Variants in DYM observed in about 807,000 individuals in gnomAD.
DYM encodes the protein dyggve-Melchior-Clausen syndrome protein.
In DYM, 78 loss-of-function variants were observed where a neutral mutation model predicts 93.1. That is an observed-to-expected ratio of 0.84 (90% confidence interval 0.70 to 1.01). The LOEUF (loss-of-function observed/expected upper bound fraction) is 1.01, where lower values mean the gene tolerates loss of function less well. Ranked by LOEUF, DYM falls within the 50% of genes least tolerant of loss-of-function variation. The pLI, the probability that DYM is intolerant of heterozygous loss-of-function variation, is 0.00. For missense variants in DYM, 789 were observed against 845.0 expected, an observed-to-expected ratio of 0.93 and a Z score of 0.82; for synonymous variants, 321 against 319.7, an observed-to-expected ratio of 1.00 and a Z score of -0.04.
At chr18:49,159,105 T>C in intron 15 of DYM, among the ~76,000 whole-genome samples, 1 of 152,216 alleles carries the variant, frequency 6.6e-6, no homozygotes, top group Non-Finnish European at 1.5e-5. Flanking sequence ...ATTATTTATG[T>C]ACGTGTGTGT....
chr18:49,191,984 T>G (rs572706754), intron 14 of DYM, among the ~76,000 whole-genome samples: 42 of 152,158 alleles, frequency 2.8e-4, no homozygotes, highest in African/African-American at 1.0e-3. Flanking sequence ...TCACCCAGGC[T>G]GGAGTGTAAT....
chr18:49,337,061 T>C (rs2063724559), intron 6 of DYM, among the ~76,000 whole-genome samples: 2 of 152,234 alleles, frequency 1.3e-5, no homozygotes, highest in Non-Finnish European at 2.9e-5. Context: ...TCTTTACTGT[T>C]TTCATTTTGA....
At position 49,441,585 on chromosome 18, in the gene DYM, G is replaced by A. The variant is rs112369752; in HGVS notation, c.-53-11138C>T. Among the ~76,000 whole-genome samples the A allele has an allele frequency of 7.7e-3, 1,167 of 150,800 alleles. 33 individuals are homozygous for A. Among genetic ancestry groups the A allele is most frequent in the South Asian group, 0.076 (362 of 4,786 alleles). On this transcript the variant is annotated intron_variant, in intron 1 of 17. Coordinates refer to ENST00000675505, the MANE Select transcript of DYM (RefSeq NM_001353214.3). ...TATTAAGTACAGTTGGGTATTCCCC[G>A]CCCAATGAAACGAAAGCAATGGAAA...
At chr18:49,091,728 A>ATATT (rs370531625) in intron 17 of DYM, among the ~76,000 whole-genome samples, 3,793 of 151,882 alleles carry the variant, frequency 0.025, 144 homozygotes, top group African/African-American at 0.085. Context: ...CAGTGATTTA[A>ATATT]TATTTATTTA....
chr18:49,334,091 A>G (rs2063502141), intron 6 of DYM, among the ~76,000 whole-genome samples: 2 of 152,174 alleles, frequency 1.3e-5, no homozygotes. Context: ...TCCAGTTTCC[A>G]TCTCCTATTA....
intron 13 of DYM, among the ~76,000 whole-genome samples, chr18:49,219,921 A>G (rs2093275571): frequency 6.9e-6 from 1 of 144,508 alleles, no homozygotes; most frequent in Non-Finnish European, 1.5e-5. Flanking sequence ...ATTAGGCAGA[A>G]GGAAATAAAG....
intron 1 of DYM, among the ~76,000 whole-genome samples, chr18:49,453,885 G>C (rs975773329): frequency 1.3e-5 from 2 of 152,182 alleles, no homozygotes; most frequent in Admixed American, 1.3e-4. Flanking sequence ...CTGCAGGAAA[G>C]ATCTAGCCAA....
At chr18:49,376,965 A>C (rs555412501) in intron 5 of DYM, among the ~76,000 whole-genome samples, 170 of 152,316 alleles carry the variant, frequency 1.1e-3, no homozygotes, top group Non-Finnish European at 1.8e-3. Flanking sequence ...TGACTGTCCT[A>C]AGTTGCTCAA....
chr18:49,072,348 C>T (rs1264194035), intron 17 of DYM, among the ~76,000 whole-genome samples: 12 of 152,112 alleles, frequency 7.9e-5, no homozygotes, highest in Non-Finnish European at 1.8e-4. Context: ...TCCTGTGAAA[C>T]TGACACTGTA....
At chr18:49,213,296 CTTTT>C (rs36072258) in intron 13 of DYM, among the ~76,000 whole-genome samples, 1 of 140,026 alleles carries the variant, frequency 7.1e-6, no homozygotes. Context: ...CTTTTTCTAA[CTTTT>C]TTTTTTTTTT....
At chr18:49,065,160 G>T (rs896420825) in intron 17 of DYM, among the ~76,000 whole-genome samples, 2 of 151,892 alleles carry the variant, frequency 1.3e-5, no homozygotes, top group Non-Finnish European at 2.9e-5. Context: ...GCTTGGCTTG[G>T]GCTTCTTTGC....
chr18:49,260,489 T>C (rs1260500459), intron 11 of DYM, among the ~76,000 whole-genome samples: 5 of 151,778 alleles, frequency 3.3e-5, no homozygotes, highest in Non-Finnish European at 5.9e-5. Flanking sequence ...AGAAATAAAC[T>C]AGAAGAAAAA....
At chr18:49,234,245 A>G (rs1239221469) in intron 13 of DYM, among the ~76,000 whole-genome samples, 2 of 152,150 alleles carry the variant, frequency 1.3e-5, no homozygotes, top group African/African-American at 2.4e-5. Context: ...GCTTGAGTCC[A>G]GGAGTTCGAG....
At chr18:49,120,979 T>C (rs2082328279) in intron 15 of DYM, among the ~76,000 whole-genome samples, 1 of 152,160 alleles carries the variant, frequency 6.6e-6, no homozygotes, top group Admixed American at 6.6e-5. Context: ...GAACCCAGCC[T>C]CTGCCTCTGT....
intron 16 of DYM, among the ~76,000 whole-genome samples, chr18:49,103,770 T>C (rs2080452517): frequency 2.0e-5 from 3 of 152,232 alleles, no homozygotes; most frequent in South Asian, 4.1e-4. Context: ...CATTGGTCTA[T>C]GTCTCTGTTT....
chr18:49,285,204 C>T (rs1332648836), intron 9 of DYM, among the ~76,000 whole-genome samples: 1 of 152,194 alleles, frequency 6.6e-6, no homozygotes, highest in Non-Finnish European at 1.5e-5. Context: ...TAGAGCAGCA[C>T]AAATGGACAA....
At chr18:49,368,617 C>G (rs576036275) in intron 5 of DYM, 1 of 152,290 alleles carries the variant, frequency 6.6e-6, no homozygotes, top group East Asian at 1.9e-4. Context: ...GAGCTACCTA[C>G]CGCCTGCCCC....
chr18:49,222,405 G>A (rs941029731), intron 13 of DYM, among the ~76,000 whole-genome samples: 10 of 152,000 alleles, frequency 6.6e-5, no homozygotes, highest in African/African-American at 2.2e-4. Context: ...TTCTAGGTCC[G>A]AGACAAGAAA....
rs1434926180 is a variant in DYM, at chr18:49,209,684, A to G, written c.1492T>C (p.Tyr498His). 1.6e-6 allele frequency: 2 copies of G among 1,286,746 alleles called. No homozygotes were observed. The highest frequency in any genetic ancestry group is 5.6e-5 in the East Asian group (1 of 17,966). 79.7% of individuals were successfully genotyped at this position (1,286,746 alleles called of 1,614,324 possible). Residue 498 changes from tyrosine (Y) to histidine (H), a missense_variant, in exon 14 of 18, where the codon TAT becomes CAT. Physicochemically the swap from Tyr to His is moderately conservative, Grantham distance 83 (BLOSUM62 2). This residue lies in a region of DYM where 225 missense variants were observed against 303.0 expected (regional missense o/e 0.74). Coordinates refer to ENST00000675505, the MANE Select transcript of DYM (RefSeq NM_001353214.3). The stretch of plus-strand genomic sequence containing the variant: ...GGGAAATACAGTTTGTCCAACACAT[A>G]AACATATCTCCGCAAGTGGCGGCAG... ...YTCRHLRRYV[Y>H]VLDKLYFPHS...
Sources: gnomAD v4.1 joint callset for allele counts (sites outside exome capture counted in the v4.1 genomes callset) on GRCh38, gnomAD v4.1.1 for gene constraint, gnomAD v4.1.1 regional missense constraint, MANE v1.5 for transcripts, NCBI Gene and HGNC (gene_info 2026-07-23, HGNC 2026-07-21) for gene names.